Variants in CADM2 observed in about 807,000 individuals in gnomAD.
The protein encoded by CADM2 is immunoglobulin superfamily member 4D.
Under a neutral mutation model 49.8 loss-of-function variants are expected in CADM2, and 12 were observed. The observed-to-expected ratio is 0.24, with a 90% CI of 0.15 to 0.39. The LOEUF (loss-of-function observed/expected upper bound fraction) is 0.39, where lower values mean the gene tolerates loss of function less well. Ranked by LOEUF, CADM2 falls within the 10% of genes least tolerant of loss-of-function variation. CADM2 has a pLI of 1.00. For synonymous variants in CADM2, 214 were observed against 175.4 expected (o/e 1.22, Z -1.74); for missense variants, 378 against 492.3 (o/e 0.77, Z 2.20).
intron 2 of CADM2, among the ~76,000 whole-genome samples, chr3:85,759,097 A>G (rs2107893271): frequency 6.6e-6 from 1 of 152,184 alleles, no homozygotes; most frequent in South Asian, 2.1e-4. Context: ...ACAGAGGCTG[A>G]TTTCATTTAT....
intron 3 of CADM2, among the ~76,000 whole-genome samples, chr3:85,810,436 G>T (rs933210209): frequency 6.6e-6 from 1 of 150,828 alleles, no homozygotes; most frequent in African/African-American, 2.4e-5. Context: ...AAAATCTTGG[G>T]TTATTTTATG....
At chr3:86,059,580 G>A (rs1014575026) in intron 8 of CADM2, among the ~76,000 whole-genome samples, 2 of 152,172 alleles carry the variant, frequency 1.3e-5, no homozygotes, top group African/African-American at 4.8e-5. Flanking sequence ...ACAAATCATG[G>A]GCTAATGCTT....
At chr3:86,057,567 T>C (rs1174648630) in intron 8 of CADM2, among the ~76,000 whole-genome samples, 1 of 152,208 alleles carries the variant, frequency 6.6e-6, no homozygotes, top group Non-Finnish European at 1.5e-5. Context: ...TGTGTAAAAG[T>C]GCTGTTACAA....
intron 3 of CADM2, among the ~76,000 whole-genome samples, chr3:85,837,399 C>T (rs993779101): frequency 6.6e-6 from 1 of 150,546 alleles, no homozygotes; most frequent in East Asian, 1.9e-4. Flanking sequence ...CTCCTTTTAC[C>T]TATAATTTAA....
chr3:85,418,645 G>A (rs535832761), intron 1 of CADM2, among the ~76,000 whole-genome samples: 1 of 151,996 alleles, frequency 6.6e-6, no homozygotes, highest in African/African-American at 2.4e-5. Context: ...AAGAAAAATA[G>A]GTAAATTGTT....
intron 1 of CADM2, among the ~76,000 whole-genome samples, chr3:85,064,848 T>C (rs2036468834): frequency 6.6e-6 from 1 of 152,144 alleles, no homozygotes; most frequent in Non-Finnish European, 1.5e-5. Flanking sequence ...TTAATAAGAC[T>C]GTCTTTTAAA....
At chr3:85,341,068 T>C (rs929757822) in intron 1 of CADM2, among the ~76,000 whole-genome samples, 13 of 151,782 alleles carry the variant, frequency 8.6e-5, no homozygotes, top group Non-Finnish European at 1.8e-4. Context: ...TTAATATTTA[T>C]TTTTCAAGCT....
intron 1 of CADM2, among the ~76,000 whole-genome samples, chr3:85,474,400 T>G (rs2107614990): frequency 6.6e-6 from 1 of 152,040 alleles, no homozygotes; most frequent in Middle Eastern, 3.4e-3. Flanking sequence ...CGATGAGGCC[T>G]ACCCACGTCA....
intron 1 of CADM2, among the ~76,000 whole-genome samples, chr3:85,050,076 A>T (rs2035824460): frequency 6.6e-6 from 1 of 151,706 alleles, no homozygotes; most frequent in Non-Finnish European, 1.5e-5. Context: ...CCTGAGGCAG[A>T]TGTTGTGGAA....
At chr3:85,385,800 C>CTTT (rs3086134) in intron 1 of CADM2, 61,004 of 127,298 alleles carry the variant, frequency 0.48, 17,183 homozygotes, top group East Asian at 0.79. Flanking sequence ...TTCTCTCTCT[C>CTTT]TTTTTTTTTT....
chr3:85,205,037 A>C (rs1458717747), intron 1 of CADM2, among the ~76,000 whole-genome samples: 1 of 139,170 alleles, frequency 7.2e-6, no homozygotes, highest in Non-Finnish European at 1.5e-5. Flanking sequence ...TTTTTTTTTG[A>C]GATAGGATCT....
intron 2 of CADM2, among the ~76,000 whole-genome samples, chr3:85,761,779 T>C (rs2069395441): frequency 1.3e-5 from 2 of 152,200 alleles, no homozygotes; most frequent in African/African-American, 4.8e-5. Context: ...GTTAGTAGCA[T>C]TGTGCTGTCT....
At chr3:86,056,908 G>A (rs1007714303) in intron 8 of CADM2, among the ~76,000 whole-genome samples, 1 of 152,150 alleles carries the variant, frequency 6.6e-6, no homozygotes, top group Admixed American at 6.6e-5. Flanking sequence ...TACATTCTGA[G>A]AGGAAAGATT....
intron 2 of CADM2, among the ~76,000 whole-genome samples, chr3:85,791,595 G>A (rs1274536566): frequency 6.6e-6 from 1 of 150,808 alleles, no homozygotes; most frequent in Non-Finnish European, 1.5e-5. Flanking sequence ...GACAGAGAGA[G>A]AGAAAACAAA....
chr3:85,516,619 C>G (rs2060909810), intron 1 of CADM2, among the ~76,000 whole-genome samples: 1 of 151,822 alleles, frequency 6.6e-6, no homozygotes, highest in African/African-American at 2.4e-5. Context: ...AGCCTTTTTT[C>G]CCCAGAATCT....
intron 1 of CADM2, among the ~76,000 whole-genome samples, chr3:85,701,298 C>T (rs1314555922): frequency 1.3e-5 from 2 of 152,140 alleles, no homozygotes; most frequent in Non-Finnish European, 2.9e-5. Flanking sequence ...CAGGCCCCAC[C>T]TCCAGCACTG....
chr3:85,829,657 A>G (rs1241142082), intron 3 of CADM2, among the ~76,000 whole-genome samples: 1 of 151,884 alleles, frequency 6.6e-6, no homozygotes, highest in East Asian at 1.9e-4. Flanking sequence ...CTATTCTTTG[A>G]CTGACATTTC....
At chr3:85,799,482 G>T (rs1401527292) in intron 2 of CADM2, among the ~76,000 whole-genome samples, 3 of 152,100 alleles carry the variant, frequency 2.0e-5, no homozygotes, top group Non-Finnish European at 2.9e-5. Flanking sequence ...TAGCATGAAG[G>T]GGTGTTGAAT....
intron 1 of CADM2, among the ~76,000 whole-genome samples, chr3:85,692,541 A>G (rs1285561889): frequency 6.6e-6 from 1 of 152,198 alleles, no homozygotes; most frequent in Non-Finnish European, 1.5e-5. Context: ...TTAATGTTTT[A>G]ACCTTCAGCC....
Sources: allele counts gnomAD v4.1 joint callset (sites outside exome capture counted in the v4.1 genomes callset), GRCh38; gene constraint gnomAD v4.1.1; transcripts MANE v1.5; gene names NCBI Gene and HGNC (gene_info 2026-07-23, HGNC 2026-07-21).